The following GLCE variants were observed in gnomAD, a reference collection of about 807,000 sequenced individuals.
GLCE encodes glucuronic acid epimerase.
Under a neutral mutation model 47.9 loss-of-function variants are expected in GLCE, and 19 were observed. That is an observed-to-expected ratio of 0.40 (90% CI 0.28 to 0.58). The LOEUF (loss-of-function observed/expected upper bound fraction) is 0.58, where lower values mean the gene tolerates loss of function less well. Among genes scored for constraint, GLCE ranks in the 20% least tolerant of loss-of-function variants. The pLI is 0.48. For missense variants in GLCE, 556 were observed against 743.3 expected (o/e 0.75, Z 2.93); for synonymous variants, 245 against 263.4 (o/e 0.93, Z 0.68).
intron 3 of GLCE, among the ~76,000 whole-genome samples, chr15:69,260,163 A>G (rs767917067): frequency 2.0e-5 from 3 of 152,204 alleles, no homozygotes; most frequent in Non-Finnish European, 4.4e-5. Context: ...TGTTTTAAAA[A>G]ACACTTCTTA....
At chr15:69,250,192 C>G (rs2052818166) in intron 2 of GLCE, among the ~76,000 whole-genome samples, 1 of 152,112 alleles carries the variant, frequency 6.6e-6, no homozygotes, top group Admixed American at 6.5e-5. Context: ...AAGTTACCAT[C>G]ATTTATACCT....
intron 2 of GLCE, among the ~76,000 whole-genome samples, chr15:69,254,631 T>C (rs997359050): frequency 3.3e-5 from 5 of 152,146 alleles, no homozygotes; most frequent in Non-Finnish European, 5.9e-5. Context: ...TCCTGACTTA[T>C]GGGATATTGA....
intron 2 of GLCE, among the ~76,000 whole-genome samples, chr15:69,254,393 G>A (rs1016979021): frequency 3.3e-5 from 5 of 152,120 alleles, no homozygotes; most frequent in African/African-American, 9.7e-5. Flanking sequence ...CATCAGGACT[G>A]GAATGACATG....
At chr15:69,181,749 A>G (rs2051751519) in intron 1 of GLCE, among the ~76,000 whole-genome samples, 2 of 152,164 alleles carry the variant, frequency 1.3e-5, no homozygotes, top group Admixed American at 6.6e-5. Context: ...TTTGCTGAAG[A>G]GGGAGGGAGA....
At chr15:69,257,341 T>A (rs34245142) in intron 3 of GLCE, among the ~76,000 whole-genome samples, 77,419 of 151,786 alleles carry the variant, frequency 0.51, 23,332 homozygotes, top group Admixed American at 0.65. Context: ...TTATAATATC[T>A]TTTTCTCTTA....
At chr15:69,265,382 A>G (rs899997347) in intron 4 of GLCE, among the ~76,000 whole-genome samples, 1 of 152,176 alleles carries the variant, frequency 6.6e-6, no homozygotes, top group African/African-American at 2.4e-5. Context: ...ATTTGCTCCC[A>G]TTCAGGTCCT....
chr15:69,212,867 A>G (rs2052251628), intron 2 of GLCE, among the ~76,000 whole-genome samples: 1 of 152,118 alleles, frequency 6.6e-6, no homozygotes, highest in African/African-American at 2.4e-5. Context: ...CATAGGAGAC[A>G]GTGTTAAAAA....
chr15:69,184,950 T>C (rs78898215), intron 1 of GLCE, among the ~76,000 whole-genome samples: 1,755 of 152,276 alleles, frequency 0.012, 27 homozygotes, highest in African/African-American at 0.038. Flanking sequence ...CATGATTCCT[T>C]CTCATATCTG....
chr15:69,197,882 G>T (rs1374591697), intron 1 of GLCE, among the ~76,000 whole-genome samples: 2 of 152,170 alleles, frequency 1.3e-5, no homozygotes, highest in South Asian at 2.1e-4. Flanking sequence ...GAATAATCCA[G>T]TAGAGAGGGA....
chr15:69,264,177 A>T (rs1394461805), intron 4 of GLCE, among the ~76,000 whole-genome samples: 1 of 44,400 alleles, frequency 2.3e-5, no homozygotes, highest in Non-Finnish European at 4.9e-5. Flanking sequence ...CCACCCCCCC[A>T]GCCCGACAAC....
chr15:69,252,708 C>A (rs1211910121), intron 2 of GLCE, among the ~76,000 whole-genome samples: 1 of 151,776 alleles, frequency 6.6e-6, no homozygotes, highest in Non-Finnish European at 1.5e-5. Flanking sequence ...ATTAGTTGGT[C>A]AAAATGTAAG....
At chr15:69,243,759 T>C (rs2052708230) in intron 2 of GLCE, among the ~76,000 whole-genome samples, 3 of 118,078 alleles carry the variant, frequency 2.5e-5, no homozygotes, top group Admixed American at 2.4e-4. Context: ...TTGCCTTTTT[T>C]TATTATTATT....
intron 2 of GLCE, among the ~76,000 whole-genome samples, chr15:69,213,993 C>A (rs1019013695): frequency 6.6e-6 from 1 of 151,986 alleles, no homozygotes; most frequent in Non-Finnish European, 1.5e-5. Flanking sequence ...CTTTTCAACA[C>A]GTCATTGTCT....
rs548914985 is a variant in GLCE, at chr15:69,204,610, CTTA to C, written c.-104-5701_-104-5699del. Reference sequence around the variant, plus strand: ...TGTTTTACTTTTTATTTTCAGAATGCTTATTATGCAATGGAAGCAGAATTAATC... The same window carrying C: ...TGTTTTACTTTTTATTTTCAGAATGCTTATGCAATGGAAGCAGAATTAATC... On this transcript the variant is annotated intron_variant, in intron 1 of 4. Transcript: ENST00000261858. 6.6e-5 allele frequency among the ~76,000 whole-genome samples: 10 copies of C among 152,144 alleles called. No individual in the cohort carries two copies. The East Asian group carries it at 1.9e-3, about 29-fold the overall frequency.
chr15:69,263,340 C>T (rs2053040111), intron 4 of GLCE, among the ~76,000 whole-genome samples: 1 of 151,914 alleles, frequency 6.6e-6, no homozygotes, highest in East Asian at 1.9e-4. Context: ...AGAGAATCAC[C>T]ATTAAGAGGA....
At chr15:69,238,167 CAT>C (rs2052617799) in intron 2 of GLCE, among the ~76,000 whole-genome samples, 1 of 152,064 alleles carries the variant, frequency 6.6e-6, no homozygotes, top group African/African-American at 2.4e-5. Flanking sequence ...TTTTTAAAAA[CAT>C]ATTTTAGTTT....
intron 1 of GLCE, among the ~76,000 whole-genome samples, chr15:69,178,307 T>C (rs568846550): frequency 6.6e-6 from 1 of 152,234 alleles, no homozygotes; most frequent in South Asian, 2.1e-4. Flanking sequence ...GCTTTAAGCA[T>C]AAGAAAATAT....
At chr15:69,256,606 G>T (rs912367917) in intron 3 of GLCE, among the ~76,000 whole-genome samples, 1 of 152,166 alleles carries the variant, frequency 6.6e-6, no homozygotes, top group Non-Finnish European at 1.5e-5. Context: ...TGGGCAAACA[G>T]AATTATTTTA....
At chr15:69,209,238 A>G (rs1222495140) in intron 1 of GLCE, among the ~76,000 whole-genome samples, 2 of 152,000 alleles carry the variant, frequency 1.3e-5, no homozygotes, top group African/African-American at 2.4e-5. Context: ...TATCTTAGAT[A>G]ATTTTAATAT....
Sources: allele counts gnomAD v4.1 joint callset (sites outside exome capture counted in the v4.1 genomes callset), GRCh38; gene constraint gnomAD v4.1.1; transcripts MANE v1.5; gene names NCBI Gene and HGNC (gene_info 2026-07-23, HGNC 2026-07-21).